EXOC4: variants seen among roughly 807,000 people sequenced by gnomAD.
EXOC4 encodes SEC8-like 1.
EXOC4 carries 71 observed loss-of-function variants against 107.2 expected under a neutral mutation model. The ratio of observed to expected loss-of-function variants is 0.66; its 90% confidence interval spans 0.55 to 0.81. The LOEUF is 0.81. EXOC4 is among the 30% of genes least tolerant of loss of function. The pLI, the probability that EXOC4 is intolerant of heterozygous loss-of-function variation, is 0.00. For missense variants in EXOC4, 1,108 were observed against 1,189.6 expected, an observed-to-expected ratio of 0.93 and a Z score of 1.01; for synonymous variants, 456 against 441.2, an observed-to-expected ratio of 1.03 and a Z score of -0.42.
At chr7:133,400,206 A>G (rs1281465985) in intron 7 of EXOC4, among the ~76,000 whole-genome samples, 1 of 152,164 alleles carries the variant, frequency 6.6e-6, no homozygotes, top group Non-Finnish European at 1.5e-5. Context: ...TTGGTCCTAA[A>G]ATTTATAATT....
At chr7:133,383,744 C>T (rs1796667468) in intron 7 of EXOC4, among the ~76,000 whole-genome samples, 1 of 152,086 alleles carries the variant, frequency 6.6e-6, no homozygotes, top group Non-Finnish European at 1.5e-5. Flanking sequence ...TAAAACAAAC[C>T]TATTTTAGTA....
chr7:134,031,085 G>C (rs893851212), intron 17 of EXOC4, among the ~76,000 whole-genome samples: 5 of 152,170 alleles, frequency 3.3e-5, no homozygotes, highest in South Asian at 2.1e-4. Flanking sequence ...GACAGAAGTA[G>C]ATTAGTGTTC....
At chr7:133,860,944 TGA>T (rs1798521058) in intron 11 of EXOC4, among the ~76,000 whole-genome samples, 1 of 152,216 alleles carries the variant, frequency 6.6e-6, no homozygotes, top group African/African-American at 2.4e-5. Context: ...CCTCACATTC[TGA>T]GAGAATTCTT....
intron 17 of EXOC4, among the ~76,000 whole-genome samples, chr7:134,031,523 G>A (rs1310841874): frequency 6.6e-6 from 1 of 152,178 alleles, no homozygotes; most frequent in African/African-American, 2.4e-5. Context: ...GTTATTAAGA[G>A]TTGATTGTGG....
rs941275241 is a variant in EXOC4, at chr7:134,014,786, T to C, written c.2687+6951T>C. Among the ~76,000 whole-genome samples the C allele has an allele frequency of 1.1e-4, 17 of 151,800 alleles. 1 individual carries two copies. The highest frequency in any genetic ancestry group is 9.2e-4 in the Admixed American group (14 of 15,238). The stretch of plus-strand genomic sequence containing the variant: ...ATATGGTATATGAATTATATCTCGA[T>C]GAAGGAGTTTAAAAAAAAAAGAGGT... On this transcript the variant is annotated intron_variant, in intron 17 of 17. Transcript: ENST00000253861.
At chr7:133,573,996 A>G (rs1358607765) in intron 9 of EXOC4, among the ~76,000 whole-genome samples, 1 of 152,168 alleles carries the variant, frequency 6.6e-6, no homozygotes. Flanking sequence ...TTTTCCAGTT[A>G]TTATTTAGTA....
intron 10 of EXOC4, among the ~76,000 whole-genome samples, chr7:133,663,860 C>T (rs1385714502): frequency 6.6e-6 from 1 of 152,126 alleles, no homozygotes; most frequent in Non-Finnish European, 1.5e-5. Context: ...ATTACAAGAA[C>T]ATTTTGGCAC....
chr7:133,673,517 C>G (rs752072795), intron 10 of EXOC4, among the ~76,000 whole-genome samples: 1 of 152,140 alleles, frequency 6.6e-6, no homozygotes, highest in African/African-American at 2.4e-5. Context: ...CTTGGTCTCA[C>G]CACACACACC....
intron 10 of EXOC4, among the ~76,000 whole-genome samples, chr7:133,682,300 C>G (rs1562905709): frequency 6.6e-6 from 1 of 152,162 alleles, no homozygotes; most frequent in East Asian, 1.9e-4. Context: ...AGTTTCCATT[C>G]TCAACCATTT....
At chr7:133,574,102 ATTAT>A (rs1352594311) in intron 9 of EXOC4, among the ~76,000 whole-genome samples, 6 of 152,134 alleles carry the variant, frequency 3.9e-5, no homozygotes, top group African/African-American at 1.4e-4. Context: ...ATAGTTTGTA[ATTAT>A]TAATTATTTA....
chr7:133,606,496 T>C (rs1801948699), intron 9 of EXOC4, among the ~76,000 whole-genome samples: 1 of 147,348 alleles, frequency 6.8e-6, no homozygotes, highest in South Asian at 2.1e-4. Flanking sequence ...TTTGCTGCTG[T>C]TTATTATTAT....
intron 7 of EXOC4, among the ~76,000 whole-genome samples, chr7:133,456,817 A>G (rs894656335): frequency 1.3e-5 from 2 of 152,208 alleles, no homozygotes; most frequent in Admixed American, 6.5e-5. Context: ...GAAAGCACTC[A>G]TAAATGCTGT....
At chr7:133,504,013 A>G (rs1352170726) in intron 9 of EXOC4, among the ~76,000 whole-genome samples, 1 of 152,038 alleles carries the variant, frequency 6.6e-6, no homozygotes, top group Admixed American at 6.6e-5. Flanking sequence ...ATGTATACAT[A>G]CACACACGTA....
chr7:133,839,966 A>G (rs961238768), intron 11 of EXOC4, among the ~76,000 whole-genome samples: 29 of 152,150 alleles, frequency 1.9e-4, no homozygotes, highest in African/African-American at 6.7e-4. Flanking sequence ...TAATAAATCA[A>G]TGTTATATCT....
intron 11 of EXOC4, among the ~76,000 whole-genome samples, chr7:133,876,594 CAGTGCAA>C (rs552185340): frequency 1.7e-4 from 26 of 151,822 alleles, no homozygotes; most frequent in Admixed American, 6.6e-4. Flanking sequence ...CATGGTACCA[CAGTGCAA>C]GCCACCCTAG....
At chr7:133,743,032 C>T (rs913946352) in intron 10 of EXOC4, among the ~76,000 whole-genome samples, 3 of 152,140 alleles carry the variant, frequency 2.0e-5, no homozygotes, top group African/African-American at 4.8e-5. Flanking sequence ...AAAGTCTGTA[C>T]TGTACATGTG....
At chr7:134,027,356 A>G (rs1015973877) in intron 17 of EXOC4, among the ~76,000 whole-genome samples, 3 of 152,118 alleles carry the variant, frequency 2.0e-5, no homozygotes, top group African/African-American at 7.2e-5. Flanking sequence ...TGAGGAAAAA[A>G]GCAGCAAAAA....
chr7:133,454,452 A>G (rs1798418406), intron 7 of EXOC4, among the ~76,000 whole-genome samples: 1 of 152,120 alleles, frequency 6.6e-6, no homozygotes, highest in African/African-American at 2.4e-5. Flanking sequence ...GTGCGCCACC[A>G]TGCCTGGCTG....
chr7:133,656,082 T>A (rs1472705793), intron 10 of EXOC4, among the ~76,000 whole-genome samples: 1 of 152,068 alleles, frequency 6.6e-6, no homozygotes, highest in African/African-American at 2.4e-5. Flanking sequence ...ACCACCATGG[T>A]ATATATAAGC....
Sources: allele counts gnomAD v4.1 joint callset (sites outside exome capture counted in the v4.1 genomes callset), GRCh38; gene constraint gnomAD v4.1.1; transcripts MANE v1.5; gene names NCBI Gene and HGNC (gene_info 2026-07-23, HGNC 2026-07-21).